The following SLC30A4 variants were observed in gnomAD, a reference collection of about 807,000 sequenced individuals.
The protein encoded by SLC30A4 is solute carrier family 30 member 4, also known as probable proton-coupled zinc antiporter SLC30A4.
Under a neutral mutation model 41.7 loss-of-function variants are expected in SLC30A4, and 20 were observed. That is an observed-to-expected ratio of 0.48 (90% CI 0.34 to 0.70). SLC30A4 has a LOEUF of 0.70. Ranked by LOEUF, SLC30A4 falls within the 30% of genes least tolerant of loss-of-function variation. SLC30A4 has a pLI of 0.01. For synonymous variants in SLC30A4, 181 were observed against 195.9 expected (o/e 0.92, Z 0.64); for missense variants, 441 against 529.3 (o/e 0.83, Z 1.64).
chr15:45,488,514 A>C (rs1376842496), intron 5 of SLC30A4, among the ~76,000 whole-genome samples: 1 of 152,176 alleles, frequency 6.6e-6, no homozygotes. Context: ...CGGAGGCTGC[A>C]GTAAGCCAAG....
In SLC30A4 at chr15:45,516,157, C is replaced by T. The variant is rs537631259; in HGVS notation, c.392-4873G>A. Among the ~76,000 whole-genome samples, 4 of 152,274 alleles carry T rather than the reference C, an allele frequency of 2.6e-5. No homozygotes were observed. The South Asian group carries it at 8.3e-4, about 32-fold the overall frequency. ...TAATTATACAATTTTACTATTATAT[C>T]TGACTGGCTTTTAAATAGGTTTAAC... On this transcript the variant is annotated intron_variant, in intron 2 of 7. Transcript: ENST00000261867.
intron 2 of SLC30A4, among the ~76,000 whole-genome samples, chr15:45,514,664 G>A (rs551599330): frequency 2.6e-5 from 4 of 151,608 alleles, no homozygotes; most frequent in African/African-American, 4.8e-5. Flanking sequence ...GCAGGCATGC[G>A]CCACCACGCC....
chr15:45,491,796 G>C (rs933802811), intron 3 of SLC30A4, among the ~76,000 whole-genome samples: 3 of 151,846 alleles, frequency 2.0e-5, no homozygotes, highest in Admixed American at 2.0e-4. Context: ...TTAAACCCAG[G>C]AGGTCGAGGC....
chr15:45,491,257 T>C (rs532316035), intron 3 of SLC30A4, among the ~76,000 whole-genome samples: 1 of 152,302 alleles, frequency 6.6e-6, no homozygotes, highest in African/African-American at 2.4e-5. Context: ...TTGACTGATA[T>C]GGATCCTCCA....
At chr15:45,503,677 C>T (rs971968590) in intron 3 of SLC30A4, among the ~76,000 whole-genome samples, 7 of 151,608 alleles carry the variant, frequency 4.6e-5, no homozygotes, top group Non-Finnish European at 7.4e-5. Context: ...TGGTGGCTCA[C>T]GCCTGTAATC....
At chr15:45,512,626 T>C (rs139724559) in intron 2 of SLC30A4, among the ~76,000 whole-genome samples, 1 of 152,258 alleles carries the variant, frequency 6.6e-6, no homozygotes, top group East Asian at 1.9e-4. Context: ...CAAGAGAAGG[T>C]TGGTGTTAAA....
At position 45,509,964 on chromosome 15, in the gene SLC30A4, C is replaced by T. The variant is rs552329006; in HGVS notation, c.538+1174G>A. On this transcript the variant is annotated intron_variant, in intron 3 of 7. Coordinates refer to ENST00000261867, the MANE Select transcript of SLC30A4 (RefSeq NM_013309.6). ...GTGCACGCCTATAGTCCCAGCTACT[C>T]GGGAGGCTGAGGTGGAAGGATCACT... Among the ~76,000 whole-genome samples the T allele has an allele frequency of 2.6e-5, 4 of 152,188 alleles. No individual in the cohort carries two copies. In the South Asian group the frequency reaches 8.3e-4, roughly 32 times the overall value.
chr15:45,491,996 A>G (rs1040421193), intron 3 of SLC30A4, among the ~76,000 whole-genome samples: 4 of 152,304 alleles, frequency 2.6e-5, no homozygotes, highest in African/African-American at 9.6e-5. Context: ...TTAAAAATCA[A>G]AAGTTTGATA....
At position 45,488,923 on chromosome 15, in the gene SLC30A4, A is replaced by G; in HGVS notation, c.812T>C (p.Val271Ala). The G allele has an allele frequency of 6.2e-7, 1 of 1,614,126 alleles. No homozygotes were observed. Among genetic ancestry groups the G allele is most frequent in the Non-Finnish European group, 8.5e-7 (1 of 1,180,000 alleles). ...ERNHGQDSLA[V>A]RAAFVHALGD... ...CAAAGCATGTACAAATGCAGCTCTC[A>G]CTGCCAGGCTATCCTGCCCATGGTT... The change falls in exon 5 of 8, where the codon GTG becomes GCG. Residue 271 changes from valine (V) to alanine (A), a missense_variant. Transcript: ENST00000261867.
chr15:45,503,862 C>T (rs982489431), intron 3 of SLC30A4, among the ~76,000 whole-genome samples: 3 of 152,122 alleles, frequency 2.0e-5, no homozygotes, highest in Non-Finnish European at 4.4e-5. Flanking sequence ...AGGAGAATCG[C>T]TTGAACCCAG....
Position 45,522,315 on chromosome 15 carries a change from G to A in SLC30A4, c.40C>T (p.Leu14=). Residue 14 remains leucine (L), a synonymous_variant, in exon 2 of 8, where the codon CTA becomes TTA. Transcript: ENST00000261867. The stretch of plus-strand genomic sequence containing the variant: ...AACAGCGGCGCATCATCCTTCCTTA[G>A]CATAGATTTGAGGCGCTTCCACGCG... ...SGAWKRLKSM[L]RKDDAPLFLN... 6.2e-7 allele frequency: 1 copy of A among 1,613,794 alleles called. No homozygotes were observed. The highest frequency in any genetic ancestry group is 8.5e-7 in the Non-Finnish European group (1 of 1,179,972).
At chr15:45,504,175 T>A (rs1892101070) in intron 3 of SLC30A4, among the ~76,000 whole-genome samples, 1 of 152,132 alleles carries the variant, frequency 6.6e-6, no homozygotes, top group Non-Finnish European at 1.5e-5. Context: ...CAGAAAGAAC[T>A]AATGGGAAGA....
In SLC30A4 at chr15:45,488,896, C is replaced by T; in HGVS notation, c.839G>A (p.Gly280Glu). 1 of 1,614,082 alleles carries T rather than the reference C, an allele frequency of 6.2e-7. No homozygotes were observed. The change falls in exon 5 of 8, where the codon GGA becomes GAA. Residue 280 changes from glycine to glutamate, a missense_variant. Physicochemically the swap from Gly to Glu is moderately conservative, Grantham distance 98. This residue lies in a region of SLC30A4 where 29 missense variants were observed against 66.4 expected (regional missense o/e 0.44). Coordinates refer to ENST00000261867, the MANE Select transcript of SLC30A4 (RefSeq NM_013309.6). ...CACACCAACACTCTGTACCAAATCT[C>T]CCAAAGCATGTACAAATGCAGCTCT... ...AVRAAFVHAL[G>E]DLVQSVGVLI...
At chr15:45,485,403 T>C (rs753669388) in intron 7 of SLC30A4, 86 bp from the exon 8 acceptor site, 2 of 864,182 alleles carry the variant, frequency 2.3e-6, no homozygotes, top group East Asian at 5.3e-5. Flanking sequence ...TGAAATATAC[T>C]GGGAATATAT....
intron 2 of SLC30A4, among the ~76,000 whole-genome samples, chr15:45,517,018 A>G (rs1227724018): frequency 1.3e-5 from 2 of 152,210 alleles, no homozygotes; most frequent in Non-Finnish European, 2.9e-5. Flanking sequence ...TACACTCTCA[A>G]TTAAGCATTT....
chr15:45,505,238 T>TAAAAAAAAAAAAAAAAAA (rs1209222695), intron 3 of SLC30A4, among the ~76,000 whole-genome samples: 1 of 53,270 alleles, frequency 1.9e-5, no homozygotes, highest in Non-Finnish European at 4.1e-5. Context: ...TCTCAAAAAT[T>TAAAAAAAAAAAAAAAAAA]AAAAAAAAAA....
In SLC30A4 at chr15:45,483,122, G is replaced by A. The variant is rs1384707339; in HGVS notation, c.*2041C>T. 1 of 152,142 alleles carries A rather than the reference G, an allele frequency of 6.6e-6. No individual in the cohort carries two copies. Among genetic ancestry groups the A allele is most frequent in the Non-Finnish European group, 1.5e-5 (1 of 68,036 alleles). The allele number at this position is 152,142 out of a possible 1,614,324, so 9.4% of individuals were successfully genotyped here. A position where few individuals can be genotyped will look rare whatever the true frequency, so the allele number is the denominator to read the frequency against. ...GTTCAATTCAACAAACATCTACTGGGTTTCATTAGAGGGACCATCAATCCT... is the reference window on the plus strand; with the variant it reads ...GTTCAATTCAACAAACATCTACTGGATTTCATTAGAGGGACCATCAATCCT... On this transcript the variant is annotated 3_prime_UTR_variant, in exon 8 of 8. Coordinates refer to ENST00000261867, the MANE Select transcript of SLC30A4 (RefSeq NM_013309.6).
intron 1 of SLC30A4, 33 bp downstream of exon 1, chr15:45,522,574 G>A: frequency 2.1e-6 from 1 of 484,532 alleles, no homozygotes; most frequent in Non-Finnish European, 3.6e-6. Flanking sequence ...CTCCGCCGGG[G>A]CTCCGCGAGG....
At chr15:45,490,703 T>G in intron 4 of SLC30A4, 25 bp downstream of exon 4, 1 of 1,542,676 alleles carries the variant, frequency 6.5e-7, no homozygotes, top group Non-Finnish European at 8.8e-7. Context: ...CTTGAAAATA[T>G]TAATGTGAAA....
Sources: allele counts gnomAD v4.1 joint callset (sites outside exome capture counted in the v4.1 genomes callset), GRCh38; gene constraint gnomAD v4.1.1; regional missense constraint gnomAD v4.1.1; transcripts MANE v1.5; gene names NCBI Gene and HGNC (gene_info 2026-07-23, HGNC 2026-07-21).